The following ZRANB3 variants were observed in gnomAD, a reference collection of about 807,000 sequenced individuals.
ZRANB3 encodes the protein zinc finger RANBP2-type containing 3.
Under a neutral mutation model 133.8 loss-of-function variants are expected in ZRANB3, and 125 were observed. The observed-to-expected ratio is 0.93, with a 90% CI of 0.81 to 1.08. The LOEUF (loss-of-function observed/expected upper bound fraction) is 1.08, where lower values mean the gene tolerates loss of function less well. Ranked by LOEUF, ZRANB3 falls within the 50% of genes least tolerant of loss-of-function variation. ZRANB3 has a pLI of 0.00. For missense variants in ZRANB3, 1,229 were observed against 1,275.5 expected (o/e 0.96, Z 0.56); for synonymous variants, 387 against 432.7 (o/e 0.89, Z 1.31).
chr2:135,316,091 A>G (rs1417578197), intron 6 of ZRANB3, among the ~76,000 whole-genome samples: 1 of 152,228 alleles, frequency 6.6e-6, no homozygotes, highest in East Asian at 1.9e-4. Context: ...GGATAAAATA[A>G]AAGAACACAA....
intron 3 of ZRANB3, among the ~76,000 whole-genome samples, chr2:135,375,204 C>G (rs1573996459): frequency 6.6e-6 from 1 of 152,034 alleles, no homozygotes; most frequent in South Asian, 2.1e-4. Flanking sequence ...TTCTTCAAAA[C>G]TGAAGAATGT....
intron 14 of ZRANB3, among the ~76,000 whole-genome samples, chr2:135,227,514 C>A (rs1694799786): frequency 6.6e-6 from 1 of 152,208 alleles, no homozygotes; most frequent in South Asian, 2.1e-4. Context: ...AATATCAAAA[C>A]AACACCCTTA....
At chr2:135,359,410 T>A (rs1685574560) in intron 3 of ZRANB3, among the ~76,000 whole-genome samples, 1 of 151,770 alleles carries the variant, frequency 6.6e-6, no homozygotes, top group African/African-American at 2.4e-5. Flanking sequence ...AGAGAGAGAC[T>A]CTGTCTCTAT....
At chr2:135,379,417 G>A (rs1686584284) in intron 3 of ZRANB3, among the ~76,000 whole-genome samples, 1 of 151,996 alleles carries the variant, frequency 6.6e-6, no homozygotes, top group Non-Finnish European at 1.5e-5. Context: ...TGGTACCTGG[G>A]GACTGTAATG....
At chr2:135,357,565 G>C (rs1685494777) in intron 3 of ZRANB3, among the ~76,000 whole-genome samples, 1 of 152,166 alleles carries the variant, frequency 6.6e-6, no homozygotes, top group Non-Finnish European at 1.5e-5. Context: ...CAAAGTGCTT[G>C]GATTACAGGC....
At chr2:135,405,695 C>A (rs536285205) in intron 2 of ZRANB3, among the ~76,000 whole-genome samples, 1 of 152,180 alleles carries the variant, frequency 6.6e-6, no homozygotes, top group Non-Finnish European at 1.5e-5. Flanking sequence ...TACATGGAAA[C>A]TGAACAACCT....
intron 2 of ZRANB3, among the ~76,000 whole-genome samples, chr2:135,494,526 G>C (rs1692578845): frequency 6.6e-6 from 1 of 152,106 alleles, no homozygotes; most frequent in South Asian, 2.1e-4. Flanking sequence ...GAAAATCAGA[G>C]AAGGAGCAGC....
intron 2 of ZRANB3, among the ~76,000 whole-genome samples, chr2:135,409,220 C>T (rs1688193021): frequency 2.6e-5 from 4 of 151,524 alleles, no homozygotes; most frequent in Admixed American, 2.6e-4. Context: ...CACAAGAACT[C>T]ACTATTGTGA....
intron 15 of ZRANB3, among the ~76,000 whole-genome samples, chr2:135,222,104 T>C (rs1694577958): frequency 6.6e-6 from 1 of 152,126 alleles, no homozygotes; most frequent in African/African-American, 2.4e-5. Context: ...CTTATAAAGA[T>C]TAGAAATTTA....
At chr2:135,241,179 C>G (rs1695532850) in intron 12 of ZRANB3, among the ~76,000 whole-genome samples, 3 of 152,016 alleles carry the variant, frequency 2.0e-5, no homozygotes, top group African/African-American at 7.2e-5. Context: ...TTCTGGCATT[C>G]CTATTAGTAG....
At chr2:135,413,036 A>C (rs1224504611) in intron 2 of ZRANB3, among the ~76,000 whole-genome samples, 2 of 152,200 alleles carry the variant, frequency 1.3e-5, no homozygotes, top group Non-Finnish European at 2.9e-5. Flanking sequence ...AAAAGAACTA[A>C]AACAAAACAA....
chr2:135,415,532 G>A (rs897171794), intron 2 of ZRANB3, among the ~76,000 whole-genome samples: 24 of 152,194 alleles, frequency 1.6e-4, no homozygotes, highest in Admixed American at 7.2e-4. Flanking sequence ...AGAGGTACAA[G>A]GAGGAACTGG....
chr2:135,377,855 C>T (rs1686495685), intron 3 of ZRANB3, among the ~76,000 whole-genome samples: 1 of 152,168 alleles, frequency 6.6e-6, no homozygotes, highest in Non-Finnish European at 1.5e-5. Flanking sequence ...TTTGAGTTAG[C>T]AGGCTGACAA....
At chr2:135,426,006 G>A (rs1012447715) in intron 2 of ZRANB3, among the ~76,000 whole-genome samples, 1 of 151,958 alleles carries the variant, frequency 6.6e-6, no homozygotes, top group Admixed American at 6.6e-5. Context: ...TGACAAAGAG[G>A]ACATTACCAT....
intron 9 of ZRANB3, 91 bp downstream of exon 9, chr2:135,275,545 A>G: frequency 8.6e-7 from 1 of 1,165,046 alleles, no homozygotes; most frequent in Admixed American, 3.8e-5. Flanking sequence ...AAAGAAGACA[A>G]AAAACACCTC....
intron 2 of ZRANB3, among the ~76,000 whole-genome samples, chr2:135,421,767 C>T (rs1017435305): frequency 6.6e-6 from 1 of 151,920 alleles, no homozygotes; most frequent in Admixed American, 6.6e-5. Context: ...CCTTTTAGCC[C>T]TCTTCTTTTG....
intron 11 of ZRANB3, among the ~76,000 whole-genome samples, chr2:135,268,079 TGTTA>T (rs1398235888): frequency 6.6e-6 from 1 of 152,222 alleles, no homozygotes; most frequent in Non-Finnish European, 1.5e-5. Context: ...AATAAATTTC[TGTTA>T]TTTATAAACT....
chr2:135,286,260 A>G (rs1192932004), intron 8 of ZRANB3, among the ~76,000 whole-genome samples: 1 of 152,084 alleles, frequency 6.6e-6, no homozygotes, highest in Non-Finnish European at 1.5e-5. Flanking sequence ...GTCCCATTGT[A>G]TCATTCTTAC....
chr2:135,221,969 C>G (rs1417244593), intron 15 of ZRANB3, among the ~76,000 whole-genome samples: 1 of 152,200 alleles, frequency 6.6e-6, no homozygotes, highest in Non-Finnish European at 1.5e-5. Flanking sequence ...CACTATCTAT[C>G]TATATCTATA....
Sources: gnomAD v4.1 joint callset for allele counts (sites outside exome capture counted in the v4.1 genomes callset) on GRCh38, gnomAD v4.1.1 for gene constraint, MANE v1.5 for transcripts, NCBI Gene and HGNC (gene_info 2026-07-23, HGNC 2026-07-21) for gene names.